Variants in PPM1B observed in about 807,000 individuals in gnomAD.
PPM1B encodes the protein protein phosphatase, Mg2+/Mn2+ dependent 1B, also known as protein phosphatase 1B.
In PPM1B, 22 loss-of-function variants were observed where a neutral mutation model predicts 43.0. The observed-to-expected ratio is 0.51, with a 90% CI of 0.37 to 0.73. The LOEUF (loss-of-function observed/expected upper bound fraction) is 0.73. Among genes scored for constraint, PPM1B ranks in the 30% least tolerant of loss-of-function variants. The pLI is 0.00. For synonymous variants in PPM1B, 217 were observed against 197.9 expected, an observed-to-expected ratio of 1.10 and a Z score of -0.81; for missense variants, 632 against 584.2, an observed-to-expected ratio of 1.08 and a Z score of -0.84.
chr2:44,215,347 T>C (rs960751974), intron 3 of PPM1B, among the ~76,000 whole-genome samples: 1 of 152,148 alleles, frequency 6.6e-6, no homozygotes, highest in African/African-American at 2.4e-5. Flanking sequence ...TAGTTCCAGC[T>C]ACTTGAAGAC....
chr2:44,192,474 C>A (rs1233105635), intron 1 of PPM1B, among the ~76,000 whole-genome samples: 1 of 152,116 alleles, frequency 6.6e-6, no homozygotes, highest in Non-Finnish European at 1.5e-5. Flanking sequence ...CCTCGGCCTC[C>A]CAAAGTACTG....
chr2:44,230,594 CGA>C lies in PPM1B; in HGVS notation c.1317_1318del (p.Asn440GlnfsTer2). 1 of 1,614,094 alleles carries C rather than the reference CGA, an allele frequency of 6.2e-7. No homozygotes were observed. The highest frequency in any genetic ancestry group is 8.5e-7 in the Non-Finnish European group (1 of 1,180,004). ...GAACCAGCTGCCACAGCTACTTCTTCGAACAGTGATGCTGGAAACCCAGTGAC... is the reference window on the plus strand; with the variant it reads ...GAACCAGCTGCCACAGCTACTTCTTCACAGTGATGCTGGAAACCCAGTGAC... On this transcript the variant is annotated frameshift_variant, in exon 6 of 6. Transcript: ENST00000282412. LOFTEE classifies it high-confidence loss of function.
chr2:44,212,077 T>A (rs1044693645), intron 3 of PPM1B, among the ~76,000 whole-genome samples: 1 of 152,174 alleles, frequency 6.6e-6, no homozygotes, highest in South Asian at 2.1e-4. Context: ...TGTATTAGCA[T>A]TTTACTGCAA....
intron 1 of PPM1B, among the ~76,000 whole-genome samples, chr2:44,188,713 GCTTTCCTTCCTTCCTTCCTT>G: frequency 6.7e-6 from 1 of 148,748 alleles, no homozygotes; most frequent in South Asian, 2.1e-4. Context: ...CTGCCTGCCT[GCTTTCCTTCCTTCCTTCCTT>G]CCTTCTTTCC....
chr2:44,202,390 G>A (rs1377938914), intron 2 of PPM1B, among the ~76,000 whole-genome samples: 1 of 152,130 alleles, frequency 6.6e-6, no homozygotes, highest in South Asian at 2.1e-4. Flanking sequence ...TATGTATATA[G>A]TAGAATTCTG....
intron 1 of PPM1B, among the ~76,000 whole-genome samples, chr2:44,193,757 T>G (rs1166228649): frequency 1.3e-5 from 2 of 152,020 alleles, no homozygotes; most frequent in Non-Finnish European, 2.9e-5. Flanking sequence ...TTTTGTAATT[T>G]TAGTAGAGAT....
chr2:44,191,641 G>C (rs999206409), intron 1 of PPM1B, among the ~76,000 whole-genome samples: 2 of 152,126 alleles, frequency 1.3e-5, no homozygotes, highest in Non-Finnish European at 2.9e-5. Context: ...ATTCTGTAGA[G>C]ATTTACATTG....
chr2:44,192,503 A>T (rs1343026259), intron 1 of PPM1B, among the ~76,000 whole-genome samples: 1 of 152,158 alleles, frequency 6.6e-6, no homozygotes, highest in Non-Finnish European at 1.5e-5. Flanking sequence ...GGTGTGAGTC[A>T]CTGTGCCTGG....
chr2:44,179,683 T>C (rs1051886486), intron 1 of PPM1B, among the ~76,000 whole-genome samples: 1 of 152,158 alleles, frequency 6.6e-6, no homozygotes, highest in African/African-American at 2.4e-5. Context: ...ATTTAGATGT[T>C]AGTGTGTCTA....
intron 1 of PPM1B, among the ~76,000 whole-genome samples, chr2:44,188,234 A>C (rs1273413642): frequency 6.6e-6 from 1 of 152,094 alleles, no homozygotes; most frequent in African/African-American, 2.4e-5. Context: ...CCATTTGTTA[A>C]CATCCTGTTA....
chr2:44,219,842 C>G (rs1041759154), intron 5 of PPM1B, among the ~76,000 whole-genome samples: 7 of 151,634 alleles, frequency 4.6e-5, no homozygotes, highest in South Asian at 2.1e-4. Flanking sequence ...ACTCGGGAGG[C>G]TGAGGCAGGA....
intron 3 of PPM1B, among the ~76,000 whole-genome samples, chr2:44,210,839 A>G (rs1006377584): frequency 5.3e-5 from 8 of 152,168 alleles, no homozygotes; most frequent in Admixed American, 2.6e-4. Context: ...TAGTATATCC[A>G]TAAAAATTAG....
downstream of PPM1B, among the ~76,000 whole-genome samples, chr2:44,245,688 C>G (rs556176630): frequency 6.6e-6 from 1 of 152,306 alleles, no homozygotes; most frequent in Non-Finnish European, 1.5e-5. Flanking sequence ...TCACTTAGAT[C>G]AGATGACAGA....
chr2:44,221,102 A>C (rs960393165), intron 5 of PPM1B, among the ~76,000 whole-genome samples: 1 of 152,232 alleles, frequency 6.6e-6, no homozygotes, highest in Non-Finnish European at 1.5e-5. Context: ...TTAATCTGTT[A>C]GAAACATTTA....
At chr2:44,224,859 T>G (rs750010002) in intron 5 of PPM1B, among the ~76,000 whole-genome samples, 3 of 152,198 alleles carry the variant, frequency 2.0e-5, no homozygotes, top group Non-Finnish European at 1.5e-5. Context: ...TAAGGAAATA[T>G]AAACTTCAAT....
chr2:44,232,500 A>C, downstream of PPM1B: 1 of 1,483,852 alleles, frequency 6.7e-7, no homozygotes, highest in African/African-American at 1.4e-5. Context: ...TCATTTGTTC[A>C]TATTTGTGTT....
At chr2:44,185,067 T>C (rs905673221) in intron 1 of PPM1B, among the ~76,000 whole-genome samples, 2 of 151,764 alleles carry the variant, frequency 1.3e-5, no homozygotes, top group African/African-American at 4.8e-5. Context: ...GGTTTTATAG[T>C]AATCCTAATT....
chr2:44,229,449 A>G (rs1670372408), intron 5 of PPM1B, among the ~76,000 whole-genome samples: 1 of 152,036 alleles, frequency 6.6e-6, no homozygotes, highest in Non-Finnish European at 1.5e-5. Context: ...CAAGCCCCTC[A>G]CCTGTTTTTT....
In PPM1B at chr2:44,230,542, A is replaced by G; in HGVS notation, c.1264A>G (p.Lys422Glu). ...GATGCTGACTAGTTACAGGCTAGCTAAAGTAGAGGGAGAAGAAAGCCCTGC... is the reference window on the plus strand; with the variant it reads ...GATGCTGACTAGTTACAGGCTAGCTGAAGTAGAGGGAGAAGAAAGCCCTGC... ...EEMLTSYRLA[K>E]VEGEESPAEP... is the part of the protein sequence containing the mutation. The change falls in exon 6 of 6, where the codon AAA becomes GAA. Residue 422 changes from lysine to glutamate, a missense_variant. Around this residue, in one of 3 missense-constraint regions of PPM1B, gnomAD observed 392 missense variants for 302.7 expected, o/e 1.29. Transcript: ENST00000282412. 1 of 1,614,188 alleles carries G rather than the reference A, an allele frequency of 6.2e-7. No individual in the cohort carries two copies. Among genetic ancestry groups the G allele is most frequent in the African/African-American group, 1.3e-5 (1 of 75,052 alleles).
Sources: allele counts gnomAD v4.1 joint callset (sites outside exome capture counted in the v4.1 genomes callset), GRCh38; gene constraint gnomAD v4.1.1; regional missense constraint gnomAD v4.1.1; transcripts MANE v1.5; gene names NCBI Gene and HGNC (gene_info 2026-07-23, HGNC 2026-07-21).